STAT3: variants seen among roughly 807,000 people sequenced by gnomAD.
The protein encoded by STAT3 is DNA-binding protein APRF.
A neutral mutation model predicts 114.3 loss-of-function variants in STAT3; 7 were observed. The ratio of observed to expected loss-of-function variants is 0.06; its 90% CI spans 0.03 to 0.11. The LOEUF (loss-of-function observed/expected upper bound fraction) is 0.11. Among genes scored for constraint, STAT3 ranks in the 10% least tolerant of loss-of-function variants. The pLI is 1.00. For missense variants in STAT3, 364 were observed against 960.9 expected, an observed-to-expected ratio of 0.38 and a Z score of 8.21; for synonymous variants, 331 against 354.5, an observed-to-expected ratio of 0.93 and a Z score of 0.74.
At chr17:42,373,078 G>A (rs967013162) in intron 1 of STAT3, among the ~76,000 whole-genome samples, 2 of 152,110 alleles carry the variant, frequency 1.3e-5, no homozygotes, top group Admixed American at 6.6e-5. Flanking sequence ...TAGACTGGCC[G>A]CAGTGGCTCA....
At chr17:42,326,585 G>A (rs970814820) in intron 14 of STAT3, among the ~76,000 whole-genome samples, 41 of 152,144 alleles carry the variant, frequency 2.7e-4, no homozygotes, top group South Asian at 8.3e-4. Context: ...TTGGGAGGCC[G>A]AGGCAGGTGG....
intron 1 of STAT3, among the ~76,000 whole-genome samples, chr17:42,357,999 T>C (rs995398585): frequency 3.9e-5 from 6 of 152,188 alleles, no homozygotes; most frequent in Admixed American, 1.3e-4. Context: ...TTCAATTACA[T>C]ATAACAGGAT....
At chr17:42,387,600 T>G (rs576611073) in intron 1 of STAT3, 1 of 152,066 alleles carries the variant, frequency 6.6e-6, no homozygotes, top group Non-Finnish European at 1.5e-5. Context: ...TATTTTGTCT[T>G]TTTTTCTCTT....
Position 42,371,779 on chromosome 17 carries a change from C to T in STAT3, c.-24+16500G>A, listed in dbSNP as rs2084159782. Among the ~76,000 whole-genome samples, 2 of 151,728 alleles carry T rather than the reference C, an allele frequency of 1.3e-5. 1 individual carries two copies. ...GGTGGATTACCTGAGCTCAGGAGTT[C>T]AAGACCAGCCTGGGTAACACAGTGA... On this transcript the variant is annotated intron_variant, in intron 1 of 23. Coordinates refer to ENST00000264657, the MANE Select transcript of STAT3 (RefSeq NM_139276.3).
rs1008624238 is a variant in STAT3, at chr17:42,339,376, C to T, written c.406G>A (p.Val136Met). 3.1e-6 allele frequency: 5 copies of T among 1,614,022 alleles called. No homozygotes were observed. The highest frequency in any genetic ancestry group is 2.5e-6 in the Non-Finnish European group (3 of 1,180,030). Residue 136 changes from valine (V) to methionine (M), a missense_variant, in exon 5 of 24, where the codon GTG (valine) becomes ATG (methionine). Physicochemically the swap from Val to Met is conservative, Grantham distance 21 (BLOSUM62 1). This residue lies in a region of STAT3 where 294 missense variants were observed against 745.1 expected (regional missense o/e 0.39). Transcript: ENST00000264657. ...GGQANHPTAA[V>M]VTEKQQMLEQ... The stretch of plus-strand genomic sequence containing the variant: ...AGCATCTGCTGCTTCTCCGTCACCA[C>T]GGCTGCTGTGGGGTGGTTGGCCTGG...
At chr17:42,376,334 G>T (rs2084457995) in intron 1 of STAT3, among the ~76,000 whole-genome samples, 3 of 152,126 alleles carry the variant, frequency 2.0e-5, no homozygotes, top group African/African-American at 7.2e-5. Context: ...ACCACTGTGA[G>T]TCTGACAGTT....
Position 42,358,854 on chromosome 17 carries a change from G to C in STAT3, c.-23-10315C>G, listed in dbSNP as rs570994225. On this transcript the variant is annotated intron_variant, in intron 1 of 23. Coordinates refer to ENST00000264657, the MANE Select transcript of STAT3 (RefSeq NM_139276.3). ...TGGTTGTACAGCATCCCTCTGTGCT[G>C]GTGCTGCTGGTGCCAGATCCTCAGA... 2.4e-4 allele frequency among the ~76,000 whole-genome samples: 36 copies of C among 151,884 alleles called. 1 individual carries two copies. Among genetic ancestry groups the C allele is most frequent in the Non-Finnish European group, 4.4e-4 (30 of 67,984 alleles).
At chr17:42,320,977 G>T (rs2144664066) in intron 21 of STAT3, among the ~76,000 whole-genome samples, 1 of 151,802 alleles carries the variant, frequency 6.6e-6, no homozygotes, top group Admixed American at 6.6e-5. Context: ...GTGTGTAGTG[G>T]GGTCTTGCTA....
At chr17:42,381,604 C>T (rs61191126) in intron 1 of STAT3, among the ~76,000 whole-genome samples, 9,244 of 151,410 alleles carry the variant, frequency 0.061, 340 homozygotes, top group Non-Finnish European at 0.074. Flanking sequence ...TGGTGGCGGG[C>T]GCCTGTAGTC....
chr17:42,377,031 T>G (rs150171440), intron 1 of STAT3, among the ~76,000 whole-genome samples: 1 of 152,288 alleles, frequency 6.6e-6, no homozygotes, highest in African/African-American at 2.4e-5. Flanking sequence ...TAAAAATATA[T>G]GTGTACAGAT....
chr17:42,334,603 C>G (rs2082156214), intron 8 of STAT3, among the ~76,000 whole-genome samples: 1 of 152,072 alleles, frequency 6.6e-6, no homozygotes, highest in African/African-American at 2.4e-5. Flanking sequence ...CACCACCACT[C>G]CCGGATAATT....
At chr17:42,325,596 ACT>A (rs2081673685) in intron 15 of STAT3, among the ~76,000 whole-genome samples, 2 of 148,226 alleles carry the variant, frequency 1.3e-5, no homozygotes, top group Non-Finnish European at 3.0e-5. Context: ...ACGGAGTCTC[ACT>A]CTGTCACCCA....
At chr17:42,352,451 T>C (rs533366815) in intron 1 of STAT3, among the ~76,000 whole-genome samples, 2 of 152,154 alleles carry the variant, frequency 1.3e-5, no homozygotes, top group South Asian at 2.1e-4. Context: ...GTAAAAGCAG[T>C]GGCTGACGTG....
At chr17:42,316,048 G>T in intron 23 of STAT3, 1 of 1,412,594 alleles carries the variant, frequency 7.1e-7, no homozygotes, top group Non-Finnish European at 9.2e-7. Context: ...AAGCTCTAAG[G>T]CTGTCCTGAG....
Position 42,323,576 on chromosome 17 carries a change from G to A in STAT3, c.1650C>T (p.Cys550=), listed in dbSNP as rs201555354. The A allele has an allele frequency of 1.2e-6, 2 of 1,614,118 alleles. No homozygotes were observed. ...SGCQITWAKF[C]KENMAGKGFS... ...AGAATTTAACAAGATTGCTTACTTT[G>A]CAAAATTTAGCCCATGTGATCTGAC... is the stretch of plus-strand genomic sequence containing the variant. The change falls in exon 18 of 24, where the codon TGC becomes TGT. Residue 550 remains cysteine, a synonymous_variant. Transcript: ENST00000264657.
chr17:42,355,384 G>A (rs2083180112), intron 1 of STAT3, among the ~76,000 whole-genome samples: 1 of 152,180 alleles, frequency 6.6e-6, no homozygotes, highest in Admixed American at 6.5e-5. Context: ...AACAACTTGA[G>A]TGCCAACTAC....
At chr17:42,330,242 G>A (rs532536315) in intron 11 of STAT3, among the ~76,000 whole-genome samples, 18 of 150,516 alleles carry the variant, frequency 1.2e-4, no homozygotes, top group East Asian at 2.0e-4. Context: ...TCAGCCTCCC[G>A]TGTAGCTGGG....
At chr17:42,335,510 T>C (rs1227684185) in intron 8 of STAT3, among the ~76,000 whole-genome samples, 1 of 152,214 alleles carries the variant, frequency 6.6e-6, no homozygotes, top group Non-Finnish European at 1.5e-5. Flanking sequence ...GCCTTTTCAA[T>C]GTCAGCCTTC....
At chr17:42,351,906 G>A (rs190615393) in intron 1 of STAT3, among the ~76,000 whole-genome samples, 9 of 151,868 alleles carry the variant, frequency 5.9e-5, no homozygotes, top group Non-Finnish European at 1.0e-4. Flanking sequence ...TTATAGGCAC[G>A]CACCACCATG....
Sources: gnomAD v4.1 joint callset for allele counts (sites outside exome capture counted in the v4.1 genomes callset) on GRCh38, gnomAD v4.1.1 for gene constraint, gnomAD v4.1.1 regional missense constraint, MANE v1.5 for transcripts, NCBI Gene and HGNC (gene_info 2026-07-23, HGNC 2026-07-21) for gene names.